KCNU1: variants seen among roughly 807,000 people sequenced by gnomAD.
KCNU1 encodes the protein potassium channel subfamily U member 1.
Under a neutral mutation model 126.8 loss-of-function variants are expected in KCNU1, and 93 were observed. The ratio of observed to expected loss-of-function variants is 0.73; its 90% CI spans 0.62 to 0.87. The LOEUF (loss-of-function observed/expected upper bound fraction) is 0.87, where lower values mean the gene tolerates loss of function less well. Ranked by LOEUF, KCNU1 falls within the 40% of genes least tolerant of loss-of-function variation. The pLI is 0.00. For synonymous variants in KCNU1, 523 were observed against 494.2 expected, an observed-to-expected ratio of 1.06 and a Z score of -0.77; for missense variants, 1,330 against 1,367.1, an observed-to-expected ratio of 0.97 and a Z score of 0.43.
chr8:36,868,303 AT>A (rs1270224434), intron 19 of KCNU1, among the ~76,000 whole-genome samples: 1 of 152,124 alleles, frequency 6.6e-6, no homozygotes, highest in African/African-American at 2.4e-5. Context: ...TGTCTAGAGG[AT>A]CTATGTTTGC....
chr8:36,916,488 A>C (rs1376274100), intron 22 of KCNU1, among the ~76,000 whole-genome samples: 1 of 152,058 alleles, frequency 6.6e-6, no homozygotes, highest in Non-Finnish European at 1.5e-5. Context: ...GGGAGAAGAA[A>C]AGGAGGGAAA....
rs1304563922 is a variant in KCNU1 at position 36,885,336 on chromosome 8, C to G, written c.2010-20372C>G. Among the ~76,000 whole-genome samples, 3 of 152,258 alleles carry G rather than the reference C, an allele frequency of 2.0e-5. No individual in the cohort carries two copies. In the East Asian group the frequency reaches 5.8e-4, roughly 29 times the overall value. ...TTGGGAGGCCGAGGCGGGCAGATCC[C>G]CTGAGGTCAGGAGTTGAAGACCAGC... On this transcript the variant is annotated intron_variant, in intron 19 of 26. Coordinates refer to ENST00000399881, the MANE Select transcript of KCNU1 (RefSeq NM_001031836.3).
intron 19 of KCNU1, among the ~76,000 whole-genome samples, chr8:36,895,244 A>G (rs534451740): frequency 6.6e-6 from 1 of 152,030 alleles, no homozygotes; most frequent in South Asian, 2.1e-4. Flanking sequence ...ACGCCCAGCT[A>G]ATTTTTATAT....
chr8:36,925,738 G>A (rs1346455322), intron 24 of KCNU1, among the ~76,000 whole-genome samples: 6 of 152,086 alleles, frequency 3.9e-5, no homozygotes, highest in Admixed American at 2.0e-4. Context: ...AAATACCCTC[G>A]GAGAGGAAGA....
intron 2 of KCNU1, chr8:36,795,818 G>A (rs191966838): frequency 2.1e-3 from 317 of 152,372 alleles, no homozygotes; most frequent in African/African-American, 7.3e-3. Context: ...CCTTGGGCTT[G>A]GGGTAATATT....
chr8:36,796,139 G>A (rs1306695456), intron 2 of KCNU1, among the ~76,000 whole-genome samples: 3 of 152,218 alleles, frequency 2.0e-5, no homozygotes, highest in African/African-American at 7.2e-5. Context: ...TTTCTTGTTT[G>A]ATACATTATC....
Position 36,841,034 on chromosome 8 carries a change from G to GTTTTT in KCNU1, c.1703+49_1703+53dup, listed in dbSNP as rs756308750. 1,013 of 563,472 alleles carry GTTTTT rather than the reference G, an allele frequency of 1.8e-3. 2 individuals are homozygous for GTTTTT. The highest frequency in any genetic ancestry group is 4.7e-3 in the South Asian group (188 of 40,170). 34.9% of individuals were successfully genotyped at this position (563,472 alleles called of 1,614,324 possible). Reference sequence around the variant, plus strand: ...AATAAGTCTGCTCATCTCTTCAGTTGTTTTTTTTTTTTTTTTTTTTTTCCT... The same window carrying GTTTTT: ...AATAAGTCTGCTCATCTCTTCAGTTGTTTTTTTTTTTTTTTTTTTTTTTTTTTCCT... On this transcript the variant is annotated intron_variant, in intron 16 of 26. Coordinates refer to ENST00000399881, the MANE Select transcript of KCNU1 (RefSeq NM_001031836.3).
chr8:36,875,453 T>TAC (rs963453475), intron 19 of KCNU1, among the ~76,000 whole-genome samples: 2 of 149,610 alleles, frequency 1.3e-5, no homozygotes, highest in African/African-American at 4.9e-5. Flanking sequence ...GAGATATATA[T>TAC]ACACACACAC....
chr8:36,812,679 C>T (rs1803768453), intron 7 of KCNU1, among the ~76,000 whole-genome samples: 1 of 152,052 alleles, frequency 6.6e-6, no homozygotes. Flanking sequence ...TAATACTTTA[C>T]CTTAACTATA....
Position 36,911,103 on chromosome 8 carries a change from G to T in KCNU1, c.2505G>T (p.Pro835=), listed in dbSNP as rs377444778. The T allele has an allele frequency of 5.0e-6, 8 of 1,612,120 alleles. No individual in the cohort carries two copies. The South Asian group carries it at 8.8e-5, about 18-fold the overall frequency. Residue 835 remains proline, a synonymous_variant, in exon 22 of 27, where the codon CCG becomes CCT. Coordinates refer to ENST00000399881, the MANE Select transcript of KCNU1 (RefSeq NM_001031836.3). ...TGCAAATTGACTCCTCCTCTGACCC[G>T]TCACCCTCAGTGTCAGGTGAGAACA... ...GSLQIDSSSD[P]SPSVSEETPG... is the part of the protein sequence containing the mutation.
chr8:36,816,736 G>A (rs909080559), intron 9 of KCNU1, among the ~76,000 whole-genome samples: 2 of 152,124 alleles, frequency 1.3e-5, no homozygotes, highest in Non-Finnish European at 2.9e-5. Context: ...TTAAACGTAA[G>A]AAAATTTTTC....
At chr8:36,847,358 G>A (rs1805188091) in intron 18 of KCNU1, among the ~76,000 whole-genome samples, 1 of 151,986 alleles carries the variant, frequency 6.6e-6, no homozygotes, top group Non-Finnish European at 1.5e-5. Flanking sequence ...TGTCATTTTT[G>A]TGTTGTGAAC....
intron 25 of KCNU1, among the ~76,000 whole-genome samples, 154 bp downstream of exon 25, chr8:36,931,299 T>C (rs1249797651): frequency 1.3e-5 from 2 of 152,090 alleles, no homozygotes; most frequent in African/African-American, 4.8e-5. Flanking sequence ...ATATTATTCA[T>C]AGAGTATTTT....
intron 2 of KCNU1, among the ~76,000 whole-genome samples, chr8:36,793,925 T>C (rs1585379195): frequency 6.6e-6 from 1 of 151,470 alleles, no homozygotes; most frequent in African/African-American, 2.4e-5. Flanking sequence ...ATGGTGGTGC[T>C]CGCCTGTAAT....
chr8:36,802,628 G>C (rs1468244419), intron 2 of KCNU1, among the ~76,000 whole-genome samples: 2 of 152,192 alleles, frequency 1.3e-5, no homozygotes, highest in African/African-American at 4.8e-5. Context: ...TGAGAGAAGA[G>C]TGGCCGTGAG....
chr8:36,830,609 T>C (rs1357424299), intron 10 of KCNU1, among the ~76,000 whole-genome samples: 1 of 152,114 alleles, frequency 6.6e-6, no homozygotes, highest in African/African-American at 2.4e-5. Context: ...TGGGTTGCTT[T>C]AAAGTATGGT....
rs114953238 is a variant in KCNU1 at position 36,874,337 on chromosome 8, C to A, written c.2009+9816C>A. Among the ~76,000 whole-genome samples, 376 of 152,316 alleles carry A rather than the reference C, an allele frequency of 2.5e-3. 3 individuals are homozygous for A. Among genetic ancestry groups the A allele is most frequent in the African/African-American group, 8.7e-3 (361 of 41,568 alleles). On this transcript the variant is annotated intron_variant, in intron 19 of 26. Coordinates refer to ENST00000399881, the MANE Select transcript of KCNU1 (RefSeq NM_001031836.3). ...CCTAAATGCTATTCTGTTTTACACTCTAAATGAGTAGATTATTATATAGAA... is the reference window on the plus strand; with the variant it reads ...CCTAAATGCTATTCTGTTTTACACTATAAATGAGTAGATTATTATATAGAA...
rs113015945 is a variant in KCNU1, at chr8:36,813,543, A to C, written c.733-664A>C. ...CAATATTTTACATATATTTATAAAA[A>C]ATTTATATATGATATAAATGTCTAA... On this transcript the variant is annotated intron_variant, in intron 7 of 26. Coordinates refer to ENST00000399881, the MANE Select transcript of KCNU1 (RefSeq NM_001031836.3). 2.3e-3 allele frequency among the ~76,000 whole-genome samples: 345 copies of C among 150,766 alleles called. 9 individuals are homozygous for C. Among genetic ancestry groups the C allele is most frequent in the African/African-American group, 8.0e-3 (330 of 41,328 alleles).
chr8:36,845,550 C>T (rs368253608), intron 16 of KCNU1, 30 bp from the exon 17 acceptor site: 7 of 1,327,430 alleles, frequency 5.3e-6, no homozygotes, highest in South Asian at 3.6e-5. Flanking sequence ...CAGAGGGAAA[C>T]ATTACCATGT....
Sources: allele counts gnomAD v4.1 joint callset (sites outside exome capture counted in the v4.1 genomes callset), GRCh38; gene constraint gnomAD v4.1.1; transcripts MANE v1.5; gene names NCBI Gene and HGNC (gene_info 2026-07-23, HGNC 2026-07-21).